The following CYB561A3 variants were observed in gnomAD, a reference collection of about 807,000 sequenced individuals.
CYB561A3 encodes cytochrome b561 family member A3, also known as lysosomal membrane ascorbate-dependent ferrireductase CYB561A3.
A neutral mutation model predicts 25.3 loss-of-function variants in CYB561A3; 16 were observed. That is an observed-to-expected ratio of 0.63 (90% CI 0.43 to 0.96). CYB561A3 has a LOEUF of 0.96. Ranked by LOEUF, CYB561A3 falls within the 40% of genes least tolerant of loss-of-function variation. The pLI is 0.00. For synonymous variants in CYB561A3, 131 were observed against 129.9 expected (o/e 1.01, Z -0.06); for missense variants, 219 against 307.5 (o/e 0.71, Z 2.15).
chr11:61,351,106 G>A lies in CYB561A3; in HGVS notation c.590C>T (p.Ala197Val), dbSNP rs774892568. The A allele has an allele frequency of 1.7e-5, 27 of 1,613,626 alleles. No individual in the cohort carries two copies. The highest frequency in any genetic ancestry group is 1.3e-4 in the South Asian group (12 of 91,014). Residue 197 changes from alanine (A) to valine (V), a missense_variant, in exon 6 of 7, where the codon GCG becomes GTG. Coordinates refer to ENST00000294072, the MANE Select transcript of CYB561A3 (RefSeq NM_153611.6). The stretch of plus-strand genomic sequence containing the variant: ...CATCCCGGTGCTGTTGGCAAAGACC[G>A]CCTCACTGGGCAGGCTGTGGTATGG... ...TRPYHSLPSE[A>V]VFANSTGMLV...
Position 61,350,036 on chromosome 11 carries a change from G to A in CYB561A3, c.*363C>T. ...GCGGCCAGAGCGAGGAGGACCTCGT[G>A]TGAATGGAGGACCTGAGAGGCTGAC... On this transcript the variant is annotated 3_prime_UTR_variant, in exon 7 of 7. Coordinates refer to ENST00000294072, the MANE Select transcript of CYB561A3 (RefSeq NM_153611.6). 1 of 496,056 alleles carries A rather than the reference G, an allele frequency of 2.0e-6. No homozygotes were observed. Among genetic ancestry groups the A allele is most frequent in the Non-Finnish European group, 3.7e-6 (1 of 272,690 alleles). 30.7% of individuals were successfully genotyped at this position (496,056 alleles called of 1,614,324 possible).
At chr11:61,354,104 G>T (rs949506574) in intron 3 of CYB561A3, 112 bp from the exon 4 acceptor site, 1 of 1,125,374 alleles carries the variant, frequency 8.9e-7, no homozygotes. Flanking sequence ...AACAGGAAAT[G>T]CTAGGGCACT....
In CYB561A3 at chr11:61,350,017, A is replaced by C; in HGVS notation, c.*382T>G. On this transcript the variant is annotated 3_prime_UTR_variant, in exon 7 of 7. Transcript: ENST00000294072. Reference sequence around the variant, plus strand: ...TCAGACAGGAGCAGCAAGAGCGGCCAGAGCGAGGAGGACCTCGTGTGAATG... The same window carrying C: ...TCAGACAGGAGCAGCAAGAGCGGCCCGAGCGAGGAGGACCTCGTGTGAATG... The C allele has an allele frequency of 2.1e-6, 1 of 475,440 alleles. No homozygotes were observed. Among genetic ancestry groups the C allele is most frequent in the Non-Finnish European group, 3.8e-6 (1 of 259,758 alleles). The allele number at this position is 475,440 out of a possible 1,614,324, so 29.5% of individuals were successfully genotyped here.
chr11:61,354,220 T>C (rs1278346042), intron 3 of CYB561A3: 1 of 575,510 alleles, frequency 1.7e-6, no homozygotes, highest in Non-Finnish European at 3.1e-6. Flanking sequence ...TCAGGCAAGG[T>C]GGCTCATGCC....
chr11:61,356,416 CCCTA>C, intron 3 of CYB561A3, 110 bp downstream of exon 3: 104 of 602,372 alleles, frequency 1.7e-4, no homozygotes, highest in Non-Finnish European at 2.5e-4. Context: ...GCCCAACCCA[CCCTA>C]CCCCCATAGC....
chr11:61,356,427 TAG>T, intron 3 of CYB561A3, 101 bp downstream of exon 3: 23 of 503,308 alleles, frequency 4.6e-5, no homozygotes, highest in Non-Finnish European at 7.1e-5. Flanking sequence ...CCTACCCCCA[TAG>T]CCCCAAGCCC....
chr11:61,355,354 AC>A (rs1479585981), intron 3 of CYB561A3, among the ~76,000 whole-genome samples: 2 of 152,166 alleles, frequency 1.3e-5, no homozygotes, highest in Non-Finnish European at 2.9e-5. Context: ...GCCCCAAGGC[AC>A]AGATTTGAAA....
chr11:61,350,632 G>C (rs1488026000), intron 6 of CYB561A3: 3 of 631,622 alleles, frequency 4.7e-6, no homozygotes, highest in African/African-American at 3.7e-5. Context: ...CTGGTCACCA[G>C]GCACCCATCC....
intron 2 of CYB561A3, among the ~76,000 whole-genome samples, chr11:61,357,530 G>A (rs537930008): frequency 3.3e-5 from 5 of 152,308 alleles, no homozygotes; most frequent in Admixed American, 2.0e-4. Flanking sequence ...GCTCTTAAAC[G>A]CTAGGTGAGT....
At chr11:61,355,406 G>A (rs7951574) in intron 3 of CYB561A3, among the ~76,000 whole-genome samples, 124,695 of 152,054 alleles carry the variant, frequency 0.82, 56,124 homozygotes, top group Non-Finnish European at 0.99. Context: ...CAGGTTGGGC[G>A]CAGTGGCTCA....
intron 2 of CYB561A3, 102 bp downstream of exon 2, chr11:61,357,629 TCA>T (rs1857696236): frequency 5.4e-6 from 1 of 184,568 alleles, no homozygotes; most frequent in African/African-American, 2.4e-5. Flanking sequence ...TCCCACGGAC[TCA>T]CACCAAGAAG....
In CYB561A3 at chr11:61,349,750, G is replaced by A. The variant is rs982250574; in HGVS notation, c.*649C>T. 2.1e-5 allele frequency: 14 copies of A among 665,022 alleles called. No homozygotes were observed. The highest frequency in any genetic ancestry group is 1.1e-4 in the African/African-American group (6 of 56,574). 41.2% of individuals were successfully genotyped at this position (665,022 alleles called of 1,614,324 possible). On this transcript the variant is annotated 3_prime_UTR_variant, in exon 7 of 7. Coordinates refer to ENST00000294072, the MANE Select transcript of CYB561A3 (RefSeq NM_153611.6). ...CTCCTCAGCAGAAGCTGCGTGGGCC[G>A]CCACTCCCCCTTTCTGCAATCACCC...
chr11:61,350,301 G>C lies in CYB561A3; in HGVS notation c.*98C>G. 6.8e-7 allele frequency: 1 copy of C among 1,480,444 alleles called. No individual in the cohort carries two copies. The highest frequency in any genetic ancestry group is 9.2e-7 in the Non-Finnish European group (1 of 1,090,644). The allele number at this position is 1,480,444 out of a possible 1,614,324, so 91.7% of individuals were successfully genotyped here. On this transcript the variant is annotated 3_prime_UTR_variant, in exon 7 of 7. Transcript: ENST00000294072. ...CTGGGCCCAGCATTGGAAGAAAGTC[G>C]CCTGCTGAAACCAGCCGGGAGCCCT...
rs922721253 is a variant in CYB561A3 at position 61,348,833 on chromosome 11, C to T, written c.*1566G>A. The T allele has an allele frequency of 3.9e-5, 6 of 152,254 alleles. No individual in the cohort carries two copies. The highest frequency in any genetic ancestry group is 9.7e-5 in the African/African-American group (4 of 41,436). 9.4% of individuals were successfully genotyped at this position (152,254 alleles called of 1,614,324 possible). ...GATTCTTAACATATTTAATGAAACT[C>T]GAGCTTCATAAACCAGTGAAATGCC... On this transcript the variant is annotated 3_prime_UTR_variant, in exon 7 of 7. Transcript: ENST00000294072.
chr11:61,356,362 T>C, intron 3 of CYB561A3, 168 bp downstream of exon 3: 1 of 776,786 alleles, frequency 1.3e-6, no homozygotes, highest in Non-Finnish European at 1.9e-6. Flanking sequence ...ATGCCCCCCA[T>C]CTTAACCCCT....
intron 6 of CYB561A3, chr11:61,350,644 A>G (rs1857356786): frequency 1.6e-6 from 1 of 615,196 alleles, no homozygotes; most frequent in African/African-American, 1.8e-5. Flanking sequence ...CACCCATCCC[A>G]CTAGACTAGC....
At chr11:61,359,550 C>T (rs1212685983) in intron 1 of CYB561A3, 7 of 152,120 alleles carry the variant, frequency 4.6e-5, no homozygotes, top group East Asian at 3.9e-4. Flanking sequence ...AAATGCAGTC[C>T]GAAAGGATCT....
chr11:61,352,904 G>T lies in CYB561A3; in HGVS notation c.548+81C>A, dbSNP rs1380152198. On this transcript the variant is annotated intron_variant, in intron 5 of 6. Transcript: ENST00000294072. ...CCAAAATCTCTCCTCCCTTGGGTGA[G>T]TCCTGTGATCACAGGGTGTATCTTT... is the stretch of plus-strand genomic sequence containing the variant. 5 of 1,610,010 alleles carry T rather than the reference G, an allele frequency of 3.1e-6. No individual in the cohort carries two copies. In the African/African-American group the frequency reaches 6.7e-5, roughly 22 times the overall value.
chr11:61,358,499 A>T (rs886891925), intron 1 of CYB561A3: 1 of 151,626 alleles, frequency 6.6e-6, no homozygotes, highest in African/African-American at 2.4e-5. Flanking sequence ...AGGCGGGCAG[A>T]TCATAAGGTC....
Sources: gnomAD v4.1 joint callset for allele counts (sites outside exome capture counted in the v4.1 genomes callset) on GRCh38, gnomAD v4.1.1 for gene constraint, MANE v1.5 for transcripts, NCBI Gene and HGNC (gene_info 2026-07-23, HGNC 2026-07-21) for gene names.